The following MMP14 variants were observed in gnomAD, a reference collection of about 807,000 sequenced individuals.
MMP14 encodes the protein matrix metalloproteinase-14.
In MMP14, 13 loss-of-function variants were observed where a neutral mutation model predicts 64.8. The observed-to-expected ratio is 0.20, with a 90% CI of 0.13 to 0.32. The LOEUF (loss-of-function observed/expected upper bound fraction) is 0.32, where lower values mean the gene tolerates loss of function less well. Ranked by LOEUF, MMP14 falls within the 10% of genes least tolerant of loss-of-function variation. MMP14 has a pLI of 1.00. For synonymous variants in MMP14, 322 were observed against 315.9 expected (o/e 1.02, Z -0.20); for missense variants, 594 against 783.8 (o/e 0.76, Z 2.89).
At position 22,846,306 on chromosome 14, in the gene MMP14, G is replaced by A. The variant is rs913364772; in HGVS notation, c.*267G>A. The A allele has an allele frequency of 4.1e-6, 2 of 488,220 alleles. No individual in the cohort carries two copies. Among genetic ancestry groups the A allele is most frequent in the Non-Finnish European group, 3.6e-6 (1 of 277,104 alleles). The allele number at this position is 488,220 out of a possible 1,614,324, so 30.2% of individuals were successfully genotyped here. A position where few individuals can be genotyped will look rare whatever the true frequency, so the allele number is the denominator to read the frequency against. On this transcript the variant is annotated 3_prime_UTR_variant, in exon 10 of 10. Coordinates refer to ENST00000311852, the MANE Select transcript of MMP14 (RefSeq NM_004995.4). The stretch of plus-strand genomic sequence containing the variant: ...CTCTGCCCCTCAGGGGAACCCTGTA[G>A]CTTTGTGTCTGTCCAGCCCCATCTG...
At chr14:22,845,124 T>C in intron 8 of MMP14, 127 bp from the exon 9 acceptor site, 1 of 699,116 alleles carries the variant, frequency 1.4e-6, no homozygotes, top group Non-Finnish European at 2.4e-6. Context: ...AGGTCCTCAT[T>C]ACTCAAAACC....
Position 22,842,548 on chromosome 14 carries a change from G to A in MMP14, c.519G>A (p.Lys173=), listed in dbSNP as rs771647499. ...CCTACATCCGTGAGGGCCATGAGAAGCAGGCCGACATCATGATCTTCTTTG... is the reference window on the plus strand; with the variant it reads ...CCTACATCCGTGAGGGCCATGAGAAACAGGCCGACATCATGATCTTCTTTG... ...PYAYIREGHE[K]QADIMIFFAE... Residue 173 remains lysine, a synonymous_variant, in exon 4 of 10, where the codon AAG becomes AAA. Transcript: ENST00000311852. The surrounding 1 kb of genome is among the most constrained non-coding windows in gnomAD (Gnocchi z 5.3). 2.5e-6 allele frequency: 4 copies of A among 1,614,186 alleles called. No homozygotes were observed. The highest frequency in any genetic ancestry group is 1.7e-5 in the Admixed American group (1 of 60,028).
rs1353167737 is a variant in MMP14 at position 22,844,426 on chromosome 14, C to T, written c.1067C>T (p.Pro356Leu). The T allele has an allele frequency of 2.5e-6, 4 of 1,614,088 alleles. No individual in the cohort carries two copies. Among genetic ancestry groups the T allele is most frequent in the East Asian group, 4.5e-5 (2 of 44,876 alleles). ...NNQVMDGYPM[P>L]IGQFWRGLPA... is the part of the protein sequence containing the mutation. Reference sequence around the variant, plus strand: ...CAAGTGATGGATGGATACCCAATGCCCATTGGCCAGTTCTGGCGGGGCCTG... The same window carrying T: ...CAAGTGATGGATGGATACCCAATGCTCATTGGCCAGTTCTGGCGGGGCCTG... Residue 356 changes from proline to leucine, a missense_variant, in exon 7 of 10, where the codon CCC (proline) becomes CTC (leucine). This residue lies in a region of MMP14 where 364 missense variants were observed against 425.2 expected (regional missense o/e 0.86). Coordinates refer to ENST00000311852, the MANE Select transcript of MMP14 (RefSeq NM_004995.4).
chr14:22,837,163 T>G (rs996824312), intron 1 of MMP14: 21 of 655,536 alleles, frequency 3.2e-5, no homozygotes, highest in Non-Finnish European at 4.2e-5. Flanking sequence ...CTCCTTCCCA[T>G]TCCTTCTTTT....
chr14:22,843,464 C>T lies in MMP14; in HGVS notation c.850+46C>T. On this transcript the variant is annotated intron_variant, in intron 5 of 9. Transcript: ENST00000311852. The surrounding 1 kb of genome is among the most constrained non-coding windows in gnomAD (Gnocchi z 4.8). Reference sequence around the variant, plus strand: ...CCTGCTCCCTCCTCTGCTGCTTGTTCCCTCCTGGTCTACGCATTTCCCCTC... The same window carrying T: ...CCTGCTCCCTCCTCTGCTGCTTGTTTCCTCCTGGTCTACGCATTTCCCCTC... 2 of 1,585,638 alleles carry T rather than the reference C, an allele frequency of 1.3e-6. No homozygotes were observed. The highest frequency in any genetic ancestry group is 1.1e-5 in the South Asian group (1 of 87,916).
chr14:22,843,747 A>G lies in MMP14; in HGVS notation c.888A>G (p.Gln296=). 1 of 1,610,490 alleles carries G rather than the reference A, an allele frequency of 6.2e-7. No homozygotes were observed. ...ESGFPTKMPP[Q]PRTTSRPSVP... ...GGTTCCCCACCAAGATGCCCCCTCA[A>G]CCCAGGACTACCTCCCGGCCTTCTG... The change falls in exon 6 of 10, where the codon CAA becomes CAG. Residue 296 remains glutamine, a synonymous_variant. Transcript: ENST00000311852. This position sits in a 1 kb window ranked among gnomAD's most constrained non-coding sequence, Gnocchi z 4.8.
chr14:22,840,555 C>T (rs914091449), intron 1 of MMP14, among the ~76,000 whole-genome samples: 7 of 151,354 alleles, frequency 4.6e-5, no homozygotes, highest in Non-Finnish European at 7.4e-5. Flanking sequence ...GTCTCCCAGG[C>T]TGGAGTGCAG....
At chr14:22,839,685 C>T (rs1044669279) in intron 1 of MMP14, among the ~76,000 whole-genome samples, 2 of 152,144 alleles carry the variant, frequency 1.3e-5, no homozygotes, top group Non-Finnish European at 2.9e-5. Context: ...ACCCCCAGTC[C>T]CCATGCAAGA....
rs376251631 is a variant in MMP14, at chr14:22,843,434, C to A, written c.850+16C>A. The A allele has an allele frequency of 8.7e-6, 14 of 1,606,608 alleles. No individual in the cohort carries two copies. The highest frequency in any genetic ancestry group is 1.2e-5 in the Non-Finnish European group (14 of 1,175,418). Reference sequence around the variant, plus strand: ...CAACTTTATGGCGAGTAGTCTACACCCACGCCTGCTCCCTCCTCTGCTGCT... The same window carrying A: ...CAACTTTATGGCGAGTAGTCTACACACACGCCTGCTCCCTCCTCTGCTGCT... On this transcript the variant is annotated intron_variant, in intron 5 of 9. Transcript: ENST00000311852. The surrounding 1 kb of genome is among the most constrained non-coding windows in gnomAD (Gnocchi z 4.8).
At position 22,845,913 on chromosome 14, in the gene MMP14, C is replaced by T. The variant is rs774346150; in HGVS notation, c.1623C>T (p.Ala541=). 81 of 1,608,876 alleles carry T rather than the reference C, an allele frequency of 5.0e-5. No individual in the cohort carries two copies. The highest frequency in any genetic ancestry group is 4.4e-4 in the Admixed American group (26 of 58,944). Residue 541 remains alanine, a synonymous_variant, in exon 10 of 10, where the codon GCC becomes GCT. Transcript: ENST00000311852. ...EEGGGAVSAA[A]VVLPVLLLLL... ...GCGGCGGGGCGGTGAGCGCGGCTGC[C>T]GTGGTGCTGCCCGTGCTGCTGCTGC...
chr14:22,841,866 T>C (rs764618112), intron 2 of MMP14, 47 bp from the exon 3 acceptor site: 24 of 1,612,366 alleles, frequency 1.5e-5, no homozygotes, highest in Non-Finnish European at 1.9e-5. Flanking sequence ...ACCTTTCTCT[T>C]TCATACACTG....
At chr14:22,844,263 T>G (rs916396973) in intron 6 of MMP14, 108 bp from the exon 7 acceptor site, 9 of 1,513,532 alleles carry the variant, frequency 5.9e-6, no homozygotes, top group Non-Finnish European at 8.1e-6. Flanking sequence ...ACAGCTGGAC[T>G]AAAAACTAAA....
At chr14:22,844,339 A>G in intron 6 of MMP14, 32 bp from the exon 7 acceptor site, 1 of 1,613,198 alleles carries the variant, frequency 6.2e-7, no homozygotes, top group Non-Finnish European at 8.5e-7. Flanking sequence ...CGCAAGACAT[A>G]ATGGACTTTT....
At chr14:22,837,432 G>A (rs1275928838) in intron 1 of MMP14, 4 of 455,290 alleles carry the variant, frequency 8.8e-6, no homozygotes, top group Admixed American at 2.4e-5. Context: ...ACGAGTCTGC[G>A]GCCAGGTGGG....
At chr14:22,841,814 A>C in intron 2 of MMP14, 99 bp from the exon 3 acceptor site, 1 of 1,537,682 alleles carries the variant, frequency 6.5e-7, no homozygotes, top group Non-Finnish European at 8.7e-7. Context: ...GCCTTTCCCC[A>C]CATTGACACA....
rs191458924 is a variant in MMP14 at position 22,846,377 on chromosome 14, G to A, written c.*338G>A. The A allele has an allele frequency of 5.1e-5, 15 of 295,396 alleles. No individual in the cohort carries two copies. The highest frequency in any genetic ancestry group is 1.2e-4 in the East Asian group (2 of 16,706). The allele number at this position is 295,396 out of a possible 1,614,324, so 18.3% of individuals were successfully genotyped here. The stretch of plus-strand genomic sequence containing the variant: ...CTTGAAGGCAGGACCCTCAGACCTC[G>A]CTGGTAAAGGTCAAATGGGGTCATC... On this transcript the variant is annotated 3_prime_UTR_variant, in exon 10 of 10. Transcript: ENST00000311852.
rs17878853 is a variant in MMP14, at chr14:22,842,971, C to T, written c.688+254C>T. The stretch of plus-strand genomic sequence containing the variant: ...TTTTCCAGACCGATGTCATGTCTCG[C>T]TCCCGGGAGAAACTGGGGACTAGAG... On this transcript the variant is annotated intron_variant, in intron 4 of 9. Coordinates refer to ENST00000311852, the MANE Select transcript of MMP14 (RefSeq NM_004995.4). This position sits in a 1 kb window ranked among gnomAD's most constrained non-coding sequence, Gnocchi z 5.3. Among the ~76,000 whole-genome samples, 1,066 of 152,304 alleles carry T rather than the reference C, an allele frequency of 7.0e-3. 12 individuals carry two copies. The highest frequency in any genetic ancestry group is 0.025 in the African/African-American group (1,041 of 41,556).
Position 22,845,988 on chromosome 14 carries a change from G to T in MMP14, c.1698G>T (p.Gly566=). 6.4e-7 allele frequency: 1 copy of T among 1,551,072 alleles called. No homozygotes were observed. Among genetic ancestry groups the T allele is most frequent in the Non-Finnish European group, 8.7e-7 (1 of 1,146,228 alleles). Residue 566 remains glycine (G), a synonymous_variant, in exon 10 of 10, where the codon GGG becomes GGT. Transcript: ENST00000311852. ...CAGTCTTCTTCTTCAGACGCCATGGGACCCCCAGGCGACTGCTCTACTGCC... is the reference window on the plus strand; with the variant it reads ...CAGTCTTCTTCTTCAGACGCCATGGTACCCCCAGGCGACTGCTCTACTGCC... The part of the protein sequence containing the change: ...GLAVFFFRRH[G]TPRRLLYCQR...
chr14:22,842,165 A>AGGG lies in MMP14; in HGVS notation c.380+132_380+133insGGG. On this transcript the variant is annotated intron_variant, in intron 3 of 9. Transcript: ENST00000311852. This position sits in a 1 kb window ranked among gnomAD's most constrained non-coding sequence, Gnocchi z 5.3. ...CTGGGAAGCATCCGTGGGAGTGGGG[A>AGGG]GGAAAATGGCTCTCATCCTTGAGAG... 7.6e-7 allele frequency: 1 copy of AGGG among 1,322,432 alleles called. No homozygotes were observed. Among genetic ancestry groups the AGGG allele is most frequent in the Non-Finnish European group, 1.1e-6 (1 of 950,190 alleles). The allele number at this position is 1,322,432 out of a possible 1,614,324, so 81.9% of individuals were successfully genotyped here.
Sources: allele counts gnomAD v4.1 joint callset (sites outside exome capture counted in the v4.1 genomes callset), GRCh38; gene constraint gnomAD v4.1.1; regional missense constraint gnomAD v4.1.1; non-coding constraint Gnocchi (gnomAD v3.1); transcripts MANE v1.5; gene names NCBI Gene and HGNC (gene_info 2026-07-23, HGNC 2026-07-21).